CSMD1: variants seen among roughly 807,000 people sequenced by gnomAD.
The protein encoded by CSMD1 is CUB and sushi domain-containing protein 1.
Under a neutral mutation model 417.5 loss-of-function variants are expected in CSMD1, and 213 were observed. The ratio of observed to expected loss-of-function variants is 0.51; its 90% confidence interval spans 0.46 to 0.57. CSMD1 has a LOEUF of 0.57. CSMD1 is among the 20% of genes least tolerant of loss of function. The pLI, the probability that CSMD1 is intolerant of heterozygous loss-of-function variation, is 0.00. For missense variants in CSMD1, 6,923 were observed against 4,529.7 expected (o/e 1.53, Z -15.17); for synonymous variants, 2,862 against 1,736.8 (o/e 1.65, Z -16.11).
chr8:4,445,618 C>A (rs569613585), intron 2 of CSMD1, among the ~76,000 whole-genome samples: 1 of 152,132 alleles, frequency 6.6e-6, no homozygotes, highest in South Asian at 2.1e-4. Flanking sequence ...CAGAGTCGAA[C>A]TGGGCCAGGC....
In CSMD1 at chr8:3,343,355, C is replaced by A. The variant is rs2161752; in HGVS notation, c.3570G>T (p.Leu1190=). ...GLILNSTSNH[L]WLEFNTNGSD... ...ATCCATTGGTGTTGAACTCTAGCCACAGGTGATTGGATGTGCTGTTTAGGA... is the reference window on the plus strand; with the variant it reads ...ATCCATTGGTGTTGAACTCTAGCCAAAGGTGATTGGATGTGCTGTTTAGGA... The change falls in exon 23 of 70, where the codon CTG becomes CTT. Residue 1190 remains leucine (L), a synonymous_variant. Transcript: ENST00000635120. The A allele has an allele frequency of 6.2e-6, 10 of 1,613,554 alleles. No individual in the cohort carries two copies. Among genetic ancestry groups the A allele is most frequent in the East Asian group, 2.2e-5 (1 of 44,880 alleles).
chr8:4,677,329 T>A (rs943486962), intron 1 of CSMD1, among the ~76,000 whole-genome samples: 11 of 151,668 alleles, frequency 7.3e-5, no homozygotes, highest in Admixed American at 6.6e-4. Flanking sequence ...AATTAGTTTA[T>A]CATTATAAAC....
intron 5 of CSMD1, among the ~76,000 whole-genome samples, chr8:3,983,620 T>C (rs1381491962): frequency 6.6e-6 from 1 of 152,226 alleles, no homozygotes; most frequent in African/African-American, 2.4e-5. Flanking sequence ...TATCAAACTG[T>C]ATTTTTCAAA....
intron 21 of CSMD1, among the ~76,000 whole-genome samples, chr8:3,351,624 G>A (rs532275050): frequency 2.2e-4 from 33 of 147,628 alleles, no homozygotes; most frequent in African/African-American, 7.9e-4. Context: ...GAAAAGAAAA[G>A]AAAGGAAAGT....
chr8:3,452,533 T>C (rs1007806042), intron 12 of CSMD1, among the ~76,000 whole-genome samples: 1 of 152,222 alleles, frequency 6.6e-6, no homozygotes, highest in Non-Finnish European at 1.5e-5. Flanking sequence ...TGAAGTGTTG[T>C]TGAATTTTGT....
chr8:4,192,155 C>G (rs967599964), intron 3 of CSMD1, among the ~76,000 whole-genome samples: 3 of 152,032 alleles, frequency 2.0e-5, no homozygotes, highest in African/African-American at 7.3e-5. Flanking sequence ...TCCAGTGCAC[C>G]AATAGGCATG....
chr8:4,636,550 C>G (rs1802823415), intron 2 of CSMD1, among the ~76,000 whole-genome samples: 1 of 152,120 alleles, frequency 6.6e-6, no homozygotes, highest in African/African-American at 2.4e-5. Context: ...CTGAATTGTA[C>G]TCAAGAATTT....
At chr8:4,756,735 C>T (rs924032848) in intron 1 of CSMD1, among the ~76,000 whole-genome samples, 1 of 152,134 alleles carries the variant, frequency 6.6e-6, no homozygotes, top group African/African-American at 2.4e-5. Context: ...TTACAGGAAA[C>T]AGGTAAAATA....
At position 3,181,159 on chromosome 8, in the gene CSMD1, G is replaced by C. The variant is rs1283332780; in HGVS notation, c.5676C>G (p.Phe1892Leu). The change falls in exon 37 of 70, where the codon TTC (phenylalanine) becomes TTG (leucine). Residue 1892 changes from phenylalanine (F) to leucine (L), a missense_variant. By Grantham distance (22) the Phe-to-Leu change is conservative (BLOSUM62 0). Transcript: ENST00000635120. ...CAGCTGCCACACTAATGTCAGACTG[G>C]AAATGCAGGTAGAGTTGGTTGGAAG... is the stretch of plus-strand genomic sequence containing the variant. ...NSTSNQLYLHFQSDISVAAAG... is the reference protein window; with the variant it reads ...NSTSNQLYLHLQSDISVAAAG... 3 of 1,613,948 alleles carry C rather than the reference G, an allele frequency of 1.9e-6. No homozygotes were observed. Among genetic ancestry groups the C allele is most frequent in the Non-Finnish European group, 2.5e-6 (3 of 1,179,866 alleles).
chr8:3,663,254 G>C (rs77393799), intron 7 of CSMD1, among the ~76,000 whole-genome samples: 4,371 of 152,296 alleles, frequency 0.029, 227 homozygotes, highest in African/African-American at 0.099. Context: ...CTCCATGAAA[G>C]TGAGAGAGTG....
chr8:3,731,275 T>C (rs944806427), intron 6 of CSMD1, among the ~76,000 whole-genome samples: 7 of 152,234 alleles, frequency 4.6e-5, no homozygotes, highest in African/African-American at 1.7e-4. Flanking sequence ...CCAGCATTTA[T>C]GGAGATACAG....
chr8:2,945,226 ACTC>A (rs1419880508), intron 68 of CSMD1, among the ~76,000 whole-genome samples: 1 of 152,156 alleles, frequency 6.6e-6, no homozygotes, highest in Non-Finnish European at 1.5e-5. Context: ...CCAACAATGT[ACTC>A]GTAATATGTG....
intron 2 of CSMD1, among the ~76,000 whole-genome samples, chr8:4,625,952 G>A (rs867383641): frequency 4.2e-4 from 64 of 152,212 alleles, no homozygotes; most frequent in African/African-American, 1.3e-3. Context: ...TCGAACTCCT[G>A]ACCTCTAGTG....
chr8:3,779,164 TGTGTGTGTGTGTGTGTGTGTATGTGC>T (rs1441640656), intron 5 of CSMD1, among the ~76,000 whole-genome samples: 9 of 150,958 alleles, frequency 6.0e-5, no homozygotes, highest in Non-Finnish European at 1.0e-4. Flanking sequence ...TGTGTGTGTG[TGTGTGTGTGTGTGTGTGTGTATGTGC>T]AGTATTTGAG....
chr8:3,311,359 C>T (rs1805328707), intron 23 of CSMD1, among the ~76,000 whole-genome samples: 1 of 152,080 alleles, frequency 6.6e-6, no homozygotes, highest in African/African-American at 2.4e-5. Flanking sequence ...CAGTGATTCT[C>T]CTGCCTCAGC....
chr8:4,794,793 T>A (rs570462238), intron 1 of CSMD1, among the ~76,000 whole-genome samples: 6 of 152,294 alleles, frequency 3.9e-5, no homozygotes, highest in East Asian at 1.9e-4. Context: ...CTGAAGTAGT[T>A]TGAATAGAAG....
chr8:4,912,394 G>C (rs1805751349), intron 1 of CSMD1, among the ~76,000 whole-genome samples: 1 of 151,056 alleles, frequency 6.6e-6, no homozygotes, highest in Admixed American at 6.6e-5. Flanking sequence ...AGGAAAACTT[G>C]CTGTGGGGTT....
intron 5 of CSMD1, among the ~76,000 whole-genome samples, chr8:3,917,269 C>T (rs774339796): frequency 3.3e-5 from 5 of 152,100 alleles, no homozygotes; most frequent in Non-Finnish European, 7.4e-5. Flanking sequence ...AATGCATGAA[C>T]GAACTGAAGT....
chr8:3,583,154 T>C (rs1800453486), intron 9 of CSMD1, among the ~76,000 whole-genome samples: 1 of 151,978 alleles, frequency 6.6e-6, no homozygotes, highest in Non-Finnish European at 1.5e-5. Flanking sequence ...AATTCAGATA[T>C]AGTGCCAGCC....
Sources: allele counts gnomAD v4.1 joint callset (sites outside exome capture counted in the v4.1 genomes callset), GRCh38; gene constraint gnomAD v4.1.1; transcripts MANE v1.5; gene names NCBI Gene and HGNC (gene_info 2026-07-23, HGNC 2026-07-21).